The following ORMDL1 variants were observed in gnomAD, a reference collection of about 807,000 sequenced individuals.
ORMDL1 encodes ORM1-like protein 1.
Under a neutral mutation model 13.0 loss-of-function variants are expected in ORMDL1, and 10 were observed. That is an observed-to-expected ratio of 0.77 (90% confidence interval 0.47 to 1.30). The LOEUF (loss-of-function observed/expected upper bound fraction) is 1.30. Among genes scored for constraint, ORMDL1 ranks in the 50% most tolerant of loss-of-function variants. The pLI, the probability that ORMDL1 is intolerant of heterozygous loss-of-function variation, is 0.00. For synonymous variants in ORMDL1, 61 were observed against 63.9 expected (o/e 0.95, Z 0.22); for missense variants, 171 against 186.7 (o/e 0.92, Z 0.49).
intron 2 of ORMDL1, 157 bp from the exon 3 acceptor site, chr2:189,782,759 C>A (rs1183390976): frequency 5.2e-6 from 3 of 581,126 alleles, no homozygotes; most frequent in Non-Finnish European, 9.1e-6. Context: ...CTTGTAGATG[C>A]TGATGACAGC....
chr2:189,768,195 C>T (rs987756186), downstream of ORMDL1, among the ~76,000 whole-genome samples: 4 of 152,184 alleles, frequency 2.6e-5, no homozygotes, highest in Non-Finnish European at 2.9e-5. Flanking sequence ...CCCTTCCCTG[C>T]GCTGCACTAC....
At chr2:189,781,850 T>G (rs1237100015) in intron 3 of ORMDL1, among the ~76,000 whole-genome samples, 1 of 152,180 alleles carries the variant, frequency 6.6e-6, no homozygotes, top group Non-Finnish European at 1.5e-5. Context: ...TCAAAAAAGC[T>G]GTTAAAAAAA....
At chr2:189,766,842 G>C (rs964155211), downstream of ORMDL1, among the ~76,000 whole-genome samples, 1 of 152,166 alleles carries the variant, frequency 6.6e-6, no homozygotes, top group Non-Finnish European at 1.5e-5. Flanking sequence ...TCATAAAAGT[G>C]GGGTAACACA....
At chr2:189,772,029 G>T in intron 4 of ORMDL1, 127 bp from the exon 5 acceptor site, 2 of 730,540 alleles carry the variant, frequency 2.7e-6, no homozygotes, top group Non-Finnish European at 4.0e-6. Context: ...CTATTTTTGA[G>T]CACTAAAACA....
In ORMDL1 at chr2:189,771,728, T is replaced by G; in HGVS notation, c.*39A>C. ...CTAACCACTCCTTCCTTATAAGAAA[T>G]TCAGTAGCTGTAAAATTTTTTTTCA... On this transcript the variant is annotated 3_prime_UTR_variant, in exon 5 of 5. Coordinates refer to ENST00000392349, the MANE Select transcript of ORMDL1 (RefSeq NM_016467.5). 7.2e-6 allele frequency: 11 copies of G among 1,529,160 alleles called. No individual in the cohort carries two copies. The highest frequency in any genetic ancestry group is 9.7e-6 in the Non-Finnish European group (11 of 1,128,976). The allele number at this position is 1,529,160 out of a possible 1,614,324, so 94.7% of individuals were successfully genotyped here.
downstream of ORMDL1, among the ~76,000 whole-genome samples, chr2:189,767,134 G>C (rs1204783050): frequency 2.6e-5 from 4 of 152,162 alleles, no homozygotes; most frequent in Non-Finnish European, 4.4e-5. Flanking sequence ...AAGTGGAATT[G>C]CTGGATATAA....
downstream of ORMDL1, among the ~76,000 whole-genome samples, chr2:189,765,866 C>T (rs1385128150): frequency 3.1e-4 from 3 of 9,632 alleles, no homozygotes; most frequent in Non-Finnish European, 1.0e-3. Flanking sequence ...TTTTTTGAGA[C>T]GACGTCTGGA....
At chr2:189,775,536 C>T in intron 4 of ORMDL1, 29 bp downstream of exon 4, 1 of 1,573,250 alleles carries the variant, frequency 6.4e-7, no homozygotes, top group Non-Finnish European at 8.6e-7. Flanking sequence ...ATCCAATCCT[C>T]CTCATACCTA....
downstream of ORMDL1, among the ~76,000 whole-genome samples, chr2:189,767,252 A>G (rs1196399960): frequency 6.6e-6 from 1 of 152,174 alleles, no homozygotes; most frequent in African/African-American, 2.4e-5. Flanking sequence ...TGTTATTCCC[A>G]CATACTCCCC....
At position 189,771,566 on chromosome 2, in the gene ORMDL1, G is replaced by A; in HGVS notation, c.*201C>T. ...AGCCTGCTTATAAAGCCCCTCTTCAGAAATGTACCAGGTGTATTAAACAGA... is the reference window on the plus strand; with the variant it reads ...AGCCTGCTTATAAAGCCCCTCTTCAAAAATGTACCAGGTGTATTAAACAGA... On this transcript the variant is annotated 3_prime_UTR_variant, in exon 5 of 5. Transcript: ENST00000392349. 2.3e-6 allele frequency: 1 copy of A among 429,454 alleles called. No individual in the cohort carries two copies. The allele number at this position is 429,454 out of a possible 1,614,324, so 26.6% of individuals were successfully genotyped here. A position where few individuals can be genotyped will look rare whatever the true frequency, so the allele number is the denominator to read the frequency against.
intron 3 of ORMDL1, among the ~76,000 whole-genome samples, chr2:189,779,289 C>A (rs2047769194): frequency 6.6e-6 from 1 of 152,114 alleles, no homozygotes; most frequent in South Asian, 2.1e-4. Flanking sequence ...CCAGCCTGGG[C>A]AACATAGTGA....
Position 189,770,383 on chromosome 2 carries a change from C to T in ORMDL1, c.*1384G>A, listed in dbSNP as rs946480632. The T allele has an allele frequency of 3.9e-5, 6 of 151,926 alleles. No individual in the cohort carries two copies. In the South Asian group the frequency reaches 6.2e-4, roughly 16 times the overall value. 9.4% of individuals were successfully genotyped at this position (151,926 alleles called of 1,614,324 possible). A position where few individuals can be genotyped will look rare whatever the true frequency, so the allele number is the denominator to read the frequency against. ...AGATCACCAGTTATTTAAAAATACA[C>T]GGGAAAAGACAGACATACAAAGGTA... On this transcript the variant is annotated 3_prime_UTR_variant, in exon 5 of 5. Transcript: ENST00000392349.
At chr2:189,780,904 G>GATAGAAA (rs1335964640) in intron 3 of ORMDL1, among the ~76,000 whole-genome samples, 2 of 152,136 alleles carry the variant, frequency 1.3e-5, no homozygotes, top group African/African-American at 2.4e-5. Context: ...TACTCCAGAA[G>GATAGAAA]ATAGAAAATA....
chr2:189,768,476 T>G (rs182119601), downstream of ORMDL1, among the ~76,000 whole-genome samples: 87 of 152,286 alleles, frequency 5.7e-4, no homozygotes, highest in Non-Finnish European at 7.4e-5. Context: ...TGCATGAAAA[T>G]CAAGATTCAG....
intron 1 of ORMDL1, among the ~76,000 whole-genome samples, chr2:189,783,889 C>A (rs2047988477): frequency 6.6e-6 from 1 of 152,212 alleles, no homozygotes. Flanking sequence ...CGTGAAGAGG[C>A]TGTTGGCTCT....
At chr2:189,782,656 C>T (rs2047887956) in intron 2 of ORMDL1, 54 bp from the exon 3 acceptor site, 1 of 1,508,440 alleles carries the variant, frequency 6.6e-7, no homozygotes, top group Non-Finnish European at 9.1e-7. Context: ...ACCTAACACC[C>T]CCAATTCTGA....
At chr2:189,766,956 T>G (rs1462155558), downstream of ORMDL1, among the ~76,000 whole-genome samples, 1 of 152,204 alleles carries the variant, frequency 6.6e-6, no homozygotes, top group African/African-American at 2.4e-5. Flanking sequence ...TAAGGCTGAG[T>G]AATATTCCAT....
chr2:189,780,416 AG>A (rs1392555083), intron 3 of ORMDL1, among the ~76,000 whole-genome samples: 2 of 152,232 alleles, frequency 1.3e-5, no homozygotes. Flanking sequence ...GTGAAGCCAG[AG>A]GATCAGATTG....
At position 189,770,796 on chromosome 2, in the gene ORMDL1, T is replaced by A. The variant is rs1226072898; in HGVS notation, c.*971A>T. 2 of 152,164 alleles carry A rather than the reference T, an allele frequency of 1.3e-5. No homozygotes were observed. Among genetic ancestry groups the A allele is most frequent in the African/African-American group, 2.4e-5 (1 of 41,432 alleles). The allele number at this position is 152,164 out of a possible 1,614,324, so 9.4% of individuals were successfully genotyped here. A position where few individuals can be genotyped will look rare whatever the true frequency, so the allele number is the denominator to read the frequency against. ...CAGGAGGACTAAGAAAAGAAAATGT[T>A]ATCTTTTACTGCAGACCTGCCAAAA... is the stretch of plus-strand genomic sequence containing the variant. On this transcript the variant is annotated 3_prime_UTR_variant, in exon 5 of 5. Coordinates refer to ENST00000392349, the MANE Select transcript of ORMDL1 (RefSeq NM_016467.5).
Sources: gnomAD v4.1 joint callset for allele counts (sites outside exome capture counted in the v4.1 genomes callset) on GRCh38, gnomAD v4.1.1 for gene constraint, MANE v1.5 for transcripts, NCBI Gene and HGNC (gene_info 2026-07-23, HGNC 2026-07-21) for gene names.